GDPD4: variants seen among roughly 807,000 people sequenced by gnomAD.
The protein encoded by GDPD4 is glycerophosphodiester phosphodiesterase domain containing 4, also known as glycerophosphodiester phosphodiesterase 6.
Under a neutral mutation model 67.8 loss-of-function variants are expected in GDPD4, and 60 were observed. The ratio of observed to expected loss-of-function variants is 0.88; its 90% confidence interval spans 0.72 to 1.10. The LOEUF (loss-of-function observed/expected upper bound fraction) is 1.10. Ranked by LOEUF, GDPD4 falls within the 50% of genes least tolerant of loss-of-function variation. The pLI is 0.00. For missense variants in GDPD4, 623 were observed against 613.9 expected (o/e 1.01, Z -0.16); for synonymous variants, 212 against 210.9 (o/e 1.00, Z -0.04).
Position 77,257,312 on chromosome 11 carries a change from T to C in GDPD4, c.864+1074A>G, listed in dbSNP as rs1471064392. Among the ~76,000 whole-genome samples the C allele has an allele frequency of 4.7e-4, 72 of 152,270 alleles. 1 individual carries two copies. Among genetic ancestry groups the C allele is most frequent in the Admixed American group, 4.6e-3 (71 of 15,296 alleles). ...CATAAAATAAGCTAGAAAACGTAGG[T>C]TGTTTTGTTTTCTTTAATCTATCTT... On this transcript the variant is annotated intron_variant, in intron 11 of 16. Transcript: ENST00000315938.
intron 9 of GDPD4, 119 bp downstream of exon 9, chr11:77,268,805 T>C (rs536451763): frequency 1.9e-6 from 2 of 1,049,738 alleles, no homozygotes; most frequent in South Asian, 1.5e-5. Flanking sequence ...CTCTTTATTC[T>C]TGCCATCTTA....
At chr11:77,289,372 G>A (rs569734442) in intron 1 of GDPD4, among the ~76,000 whole-genome samples, 28 of 149,558 alleles carry the variant, frequency 1.9e-4, no homozygotes, top group African/African-American at 6.7e-4. Context: ...CAAAAAAGAG[G>A]GGAGGGGAGG....
intron 10 of GDPD4, among the ~76,000 whole-genome samples, chr11:77,259,710 G>C (rs1351499698): frequency 1.3e-5 from 2 of 152,090 alleles, no homozygotes; most frequent in South Asian, 2.1e-4. Context: ...TAGAGTAAGG[G>C]GGGAGCCAAG....
chr11:77,236,197 C>CT (rs1402462237), intron 13 of GDPD4, among the ~76,000 whole-genome samples: 1 of 149,876 alleles, frequency 6.7e-6, no homozygotes, highest in Non-Finnish European at 1.5e-5. Context: ...CCCTTTTTTT[C>CT]TTGTTATTAA....
chr11:77,246,405 A>T (rs1397356762), intron 11 of GDPD4, among the ~76,000 whole-genome samples: 1 of 152,252 alleles, frequency 6.6e-6, no homozygotes, highest in Non-Finnish European at 1.5e-5. Flanking sequence ...TAATGTATGT[A>T]AAAATAGCTA....
chr11:77,241,716 G>A lies in GDPD4; in HGVS notation c.1241+1978C>T, dbSNP rs184142686. Among the ~76,000 whole-genome samples the A allele has an allele frequency of 2.8e-3, 428 of 151,042 alleles. 2 individuals are homozygous for A. The highest frequency in any genetic ancestry group is 3.2e-3 in the Non-Finnish European group (214 of 67,868). On this transcript the variant is annotated intron_variant, in intron 13 of 16. Coordinates refer to ENST00000315938, the MANE Select transcript of GDPD4 (RefSeq NM_182833.3). Reference sequence around the variant, plus strand: ...TCCCAACACTTTGGGATGCCGAGGCGGGTGGATCACGAGGTCAAGAGATCG... The same window carrying A: ...TCCCAACACTTTGGGATGCCGAGGCAGGTGGATCACGAGGTCAAGAGATCG...
chr11:77,250,088 A>G (rs965725560), intron 11 of GDPD4, among the ~76,000 whole-genome samples: 1 of 152,152 alleles, frequency 6.6e-6, no homozygotes, highest in African/African-American at 2.4e-5. Flanking sequence ...AGCCAATAAA[A>G]TTTATTTTTT....
intron 8 of GDPD4, among the ~76,000 whole-genome samples, chr11:77,269,474 C>T (rs535070257): frequency 2.0e-5 from 3 of 152,090 alleles, no homozygotes. Context: ...TAAGGCAGTA[C>T]AGTATAGTGG....
intron 11 of GDPD4, among the ~76,000 whole-genome samples, chr11:77,255,981 C>A (rs1958996939): frequency 6.6e-6 from 1 of 152,134 alleles, no homozygotes; most frequent in Admixed American, 6.5e-5. Context: ...AAATTAAATT[C>A]ATGGTTCCCA....
chr11:77,246,854 C>T (rs777459299), intron 11 of GDPD4, among the ~76,000 whole-genome samples: 15 of 152,234 alleles, frequency 9.9e-5, no homozygotes, highest in Non-Finnish European at 1.8e-4. Context: ...ATGTTTGCTA[C>T]ATTAAATTTA....
At chr11:77,296,186 G>A (rs1301435702) in intron 1 of GDPD4, among the ~76,000 whole-genome samples, 5 of 149,370 alleles carry the variant, frequency 3.3e-5, no homozygotes, top group Admixed American at 6.7e-5. Context: ...GGGAGGTGGA[G>A]CTTGCAGTGA....
chr11:77,287,474 T>A (rs1296627600), intron 1 of GDPD4, 54 bp from the exon 2 acceptor site: 3 of 152,218 alleles, frequency 2.0e-5, no homozygotes, highest in African/African-American at 7.2e-5. Context: ...TTAATGTACC[T>A]TATCCCACCA....
intron 4 of GDPD4, among the ~76,000 whole-genome samples, chr11:77,277,663 C>T (rs544234722): frequency 9.2e-5 from 14 of 151,932 alleles, no homozygotes; most frequent in African/African-American, 2.9e-4. Flanking sequence ...GTCTTGCTAG[C>T]GGTCTATCAA....
chr11:77,219,548 T>G (rs2135815431), intron 16 of GDPD4, among the ~76,000 whole-genome samples: 1 of 152,340 alleles, frequency 6.6e-6, no homozygotes, highest in East Asian at 1.9e-4. Context: ...TTGAATTAAT[T>G]TTTGTATAAG....
At chr11:77,300,316 T>A (rs1342623625) in intron 1 of GDPD4, among the ~76,000 whole-genome samples, 1 of 152,092 alleles carries the variant, frequency 6.6e-6, no homozygotes, top group Non-Finnish European at 1.5e-5. Context: ...AAGAACCCCT[T>A]CCCCTCCCTT....
rs1959199087 is a variant in GDPD4, at chr11:77,269,907, A to G, written c.454T>C (p.Cys152Arg). The change falls in exon 8 of 17, where the codon TGT becomes CGT. Residue 152 changes from cysteine (C) to arginine (R), a missense_variant. Coordinates refer to ENST00000315938, the MANE Select transcript of GDPD4 (RefSeq NM_182833.3). ...THSEKKRLKQ[C>R]NVITRLRGLQ... ...CCTCTTAACCTTGTGATTACATTAC[A>G]TTGCTTGAGTCTTTTTTTCTCAGAA... The G allele has an allele frequency of 6.3e-7, 1 of 1,587,884 alleles. No homozygotes were observed.
chr11:77,288,553 C>G (rs1937648739), intron 1 of GDPD4, among the ~76,000 whole-genome samples: 1 of 152,162 alleles, frequency 6.6e-6, no homozygotes, highest in Non-Finnish European at 1.5e-5. Context: ...ATATTGATTA[C>G]AGCCAAAGAA....
chr11:77,261,531 C>T (rs370825571), intron 10 of GDPD4, among the ~76,000 whole-genome samples: 1 of 152,192 alleles, frequency 6.6e-6, no homozygotes, highest in East Asian at 1.9e-4. Context: ...AGCCACCACG[C>T]CCAGCCAAAT....
chr11:77,261,688 C>T (rs1959121398), intron 10 of GDPD4, among the ~76,000 whole-genome samples: 1 of 152,240 alleles, frequency 6.6e-6, no homozygotes. Context: ...TTTAATGGGA[C>T]TGGGCTATTC....
Sources: allele counts gnomAD v4.1 joint callset (sites outside exome capture counted in the v4.1 genomes callset), GRCh38; gene constraint gnomAD v4.1.1; transcripts MANE v1.5; gene names NCBI Gene and HGNC (gene_info 2026-07-23, HGNC 2026-07-21).